The following GRM8 variants were observed in gnomAD, a reference collection of about 807,000 sequenced individuals.
GRM8 encodes metabotropic glutamate receptor 8.
Under a neutral mutation model 87.2 loss-of-function variants are expected in GRM8, and 47 were observed. That is an observed-to-expected ratio of 0.54 (90% confidence interval 0.43 to 0.69). The LOEUF is 0.69. Among genes scored for constraint, GRM8 ranks in the 30% least tolerant of loss-of-function variants. GRM8 has a pLI of 0.00. For missense variants in GRM8, 1,019 were observed against 1,139.2 expected, an observed-to-expected ratio of 0.89 and a Z score of 1.52; for synonymous variants, 396 against 404.5, an observed-to-expected ratio of 0.98 and a Z score of 0.25.
At chr7:126,599,912 G>A (rs778244173) in intron 8 of GRM8, among the ~76,000 whole-genome samples, 13 of 152,082 alleles carry the variant, frequency 8.5e-5, no homozygotes, top group Admixed American at 3.3e-4. Context: ...CTGCACTAGA[G>A]CATTGGCAAA....
intron 2 of GRM8, among the ~76,000 whole-genome samples, chr7:127,150,278 G>A (rs1176307517): frequency 6.6e-6 from 1 of 152,008 alleles, no homozygotes; most frequent in Non-Finnish European, 1.5e-5. Context: ...CTAATGAATT[G>A]GTATTTGACA....
intron 9 of GRM8, among the ~76,000 whole-genome samples, chr7:126,496,970 A>ATT (rs71177562): frequency 0.31 from 44,625 of 142,970 alleles, 7,345 homozygotes; most frequent in Middle Eastern, 0.41. Flanking sequence ...TGAGTTTTGG[A>ATT]TTTTTTTTTT....
At chr7:126,691,878 T>A (rs1161512583) in intron 7 of GRM8, among the ~76,000 whole-genome samples, 2 of 152,212 alleles carry the variant, frequency 1.3e-5, no homozygotes, top group African/African-American at 2.4e-5. Flanking sequence ...CAGTGAGAAT[T>A]TAATCCTGGT....
chr7:126,749,287 A>G (rs1816106816), intron 7 of GRM8, among the ~76,000 whole-genome samples: 1 of 152,106 alleles, frequency 6.6e-6, no homozygotes, highest in African/African-American at 2.4e-5. Context: ...AAAAAAATAA[A>G]AATAATGAAA....
At chr7:126,876,090 G>A (rs934869056) in intron 6 of GRM8, among the ~76,000 whole-genome samples, 1 of 152,090 alleles carries the variant, frequency 6.6e-6, no homozygotes, top group South Asian at 2.1e-4. Flanking sequence ...CCTTCCCCAA[G>A]CACAGCTTTC....
intron 7 of GRM8, among the ~76,000 whole-genome samples, chr7:126,654,940 T>A (rs951708860): frequency 6.6e-6 from 1 of 152,022 alleles, no homozygotes; most frequent in Non-Finnish European, 1.5e-5. Flanking sequence ...ATTGAAAAAA[T>A]TCAGGAAGAG....
intron 3 of GRM8, among the ~76,000 whole-genome samples, chr7:127,015,460 G>C: frequency 6.6e-6 from 1 of 152,070 alleles, no homozygotes; most frequent in East Asian, 1.9e-4. Context: ...AGAGAAAAAG[G>C]TAAGGGGATG....
chr7:126,888,941 TG>T (rs141090041), intron 6 of GRM8, among the ~76,000 whole-genome samples: 2,275 of 152,220 alleles, frequency 0.015, 38 homozygotes, highest in African/African-American at 0.044. Context: ...AGGTTATATA[TG>T]GGTCAAAGAT....
At chr7:126,735,729 CAA>C (rs954743382) in intron 7 of GRM8, among the ~76,000 whole-genome samples, 1 of 151,952 alleles carries the variant, frequency 6.6e-6, no homozygotes, top group African/African-American at 2.4e-5. Flanking sequence ...CAAGAAAACA[CAA>C]AGACTCTTTT....
At chr7:126,613,996 A>C (rs773626419) in intron 7 of GRM8, among the ~76,000 whole-genome samples, 2 of 152,178 alleles carry the variant, frequency 1.3e-5, no homozygotes, top group Non-Finnish European at 2.9e-5. Flanking sequence ...CTGCAGACTT[A>C]AATGTCCCTG....
chr7:127,176,413 G>A (rs1794110445), intron 2 of GRM8, among the ~76,000 whole-genome samples: 1 of 152,016 alleles, frequency 6.6e-6, no homozygotes, highest in African/African-American at 2.4e-5. Context: ...AAAAAACAAG[G>A]TCCAAATATA....
intron 9 of GRM8, among the ~76,000 whole-genome samples, chr7:126,503,940 G>A (rs996449801): frequency 1.3e-5 from 2 of 151,992 alleles, no homozygotes; most frequent in Non-Finnish European, 2.9e-5. Context: ...ATGTGGCTCT[G>A]GAAGGTCTCC....
chr7:126,917,832 T>G (rs181707019), intron 3 of GRM8, among the ~76,000 whole-genome samples: 113 of 152,318 alleles, frequency 7.4e-4, no homozygotes, highest in Admixed American at 4.3e-3. Flanking sequence ...AGATAAATGT[T>G]TTTTGGTCTG....
At chr7:126,468,929 T>G (rs1247678424) in intron 9 of GRM8, among the ~76,000 whole-genome samples, 1 of 152,134 alleles carries the variant, frequency 6.6e-6, no homozygotes, top group Non-Finnish European at 1.5e-5. Flanking sequence ...CTCTTAACTT[T>G]TATTTGATAA....
At chr7:127,176,287 A>G (rs1794102367) in intron 2 of GRM8, among the ~76,000 whole-genome samples, 1 of 152,226 alleles carries the variant, frequency 6.6e-6, no homozygotes, top group Admixed American at 6.5e-5. Context: ...AACAAATGCA[A>G]TTATTATAAA....
intron 7 of GRM8, among the ~76,000 whole-genome samples, chr7:126,658,725 C>A (rs898268548): frequency 2.6e-5 from 4 of 151,814 alleles, no homozygotes; most frequent in African/African-American, 9.7e-5. Context: ...GAGGAATATA[C>A]TTTATGTAAA....
chr7:126,513,307 A>T (rs1811674815), intron 9 of GRM8, among the ~76,000 whole-genome samples: 1 of 150,164 alleles, frequency 6.7e-6, no homozygotes. Flanking sequence ...CCCTTCGGGT[A>T]TTTTTTTTTT....
intron 7 of GRM8, among the ~76,000 whole-genome samples, chr7:126,746,399 A>G (rs1033611887): frequency 1.3e-5 from 2 of 151,854 alleles, no homozygotes; most frequent in Non-Finnish European, 3.0e-5. Context: ...TCTAGAATAT[A>G]GAAATGAAAT....
chr7:127,026,173 C>A (rs1396935772), intron 3 of GRM8, among the ~76,000 whole-genome samples: 2 of 152,086 alleles, frequency 1.3e-5, no homozygotes, highest in Non-Finnish European at 2.9e-5. Flanking sequence ...GCAAAGGACA[C>A]AAACTCATCC....
Sources: allele counts gnomAD v4.1 joint callset (sites outside exome capture counted in the v4.1 genomes callset), GRCh38; gene constraint gnomAD v4.1.1; transcripts MANE v1.5; gene names NCBI Gene and HGNC (gene_info 2026-07-23, HGNC 2026-07-21).